MTUS2: variants seen among roughly 807,000 people sequenced by gnomAD.
The protein encoded by MTUS2 is microtubule-associated tumor suppressor candidate 2.
MTUS2 carries 40 observed loss-of-function variants against 114.1 expected under a neutral mutation model. The ratio of observed to expected loss-of-function variants is 0.35; its 90% CI spans 0.27 to 0.46. The LOEUF (loss-of-function observed/expected upper bound fraction) is 0.46. Among genes scored for constraint, MTUS2 ranks in the 20% least tolerant of loss-of-function variants. The pLI, the probability that MTUS2 is intolerant of heterozygous loss-of-function variation, is 1.00. For synonymous variants in MTUS2, 688 were observed against 672.0 expected (o/e 1.02, Z -0.37); for missense variants, 1,679 against 1,705.4 (o/e 0.98, Z 0.27).
chr13:29,480,421 G>A lies in MTUS2; in HGVS notation c.3399+57G>A, dbSNP rs1049834195. On this transcript the variant is annotated intron_variant, in intron 10 of 15. Coordinates refer to ENST00000612955, the MANE Select transcript of MTUS2 (RefSeq NM_001033602.4). The surrounding 1 kb of genome is among the most constrained non-coding windows in gnomAD (Gnocchi z 4.4). ...TTGGGTGATGCAGGTGGCGGGCGGC[G>A]GGGATCCAGTGCCACATTAGCAAGA... is the stretch of plus-strand genomic sequence containing the variant. 11 of 1,456,174 alleles carry A rather than the reference G, an allele frequency of 7.6e-6. No homozygotes were observed. The highest frequency in any genetic ancestry group is 2.5e-5 in the East Asian group (1 of 40,066). 90.2% of individuals were successfully genotyped at this position (1,456,174 alleles called of 1,614,324 possible). A position where few individuals can be genotyped will look rare whatever the true frequency, so the allele number is the denominator to read the frequency against.
chr13:28,849,887 T>C lies in MTUS2; in HGVS notation c.-243+10037T>C, dbSNP rs978507812. Among the ~76,000 whole-genome samples, 13 of 152,238 alleles carry C rather than the reference T, an allele frequency of 8.5e-5. 3 individuals carry two copies. Among genetic ancestry groups the C allele is most frequent in the Admixed American group, 8.5e-4 (13 of 15,288 alleles). On this transcript the variant is annotated intron_variant, in intron 2 of 15. Transcript: ENST00000612955. ...CTGTATGAAACCCTTCCCAAGTTTT[T>C]CCTGCATAAAAAGTCTTTAACAATC...
At position 29,501,037 on chromosome 13, in the gene MTUS2, C is replaced by CGGTG. The variant is rs1566241526; in HGVS notation, c.3799-60_3799-59insGGTG. On this transcript the variant is annotated intron_variant, in intron 14 of 15. Transcript: ENST00000612955. ...CCTCCAATGCCCAGAGCTGAGGGCA[C>CGGTG]CGGTTTACTCCCGATTTTATGGCCT... 64 of 1,386,402 alleles carry CGGTG rather than the reference C, an allele frequency of 4.6e-5. No homozygotes were observed. The South Asian group carries it at 6.6e-4, about 14-fold the overall frequency. 85.9% of individuals were successfully genotyped at this position (1,386,402 alleles called of 1,614,324 possible). A position where few individuals can be genotyped will look rare whatever the true frequency, so the allele number is the denominator to read the frequency against.
At chr13:29,007,035 C>T (rs539669204) in intron 2 of MTUS2, among the ~76,000 whole-genome samples, 1 of 152,274 alleles carries the variant, frequency 6.6e-6, no homozygotes, top group East Asian at 1.9e-4. Context: ...TCAGCAAGAA[C>T]GTCCAATCTG....
chr13:29,065,902 A>G (rs572152468), intron 4 of MTUS2, among the ~76,000 whole-genome samples: 99 of 151,802 alleles, frequency 6.5e-4, no homozygotes, highest in Non-Finnish European at 1.2e-3. Flanking sequence ...AATATAATCA[A>G]CAAATTCAAA....
intron 4 of MTUS2, among the ~76,000 whole-genome samples, chr13:29,049,772 C>T (rs915017260): frequency 3.9e-5 from 6 of 152,268 alleles, no homozygotes; most frequent in Middle Eastern, 3.4e-3. Flanking sequence ...CCTTGTGCTC[C>T]CTACCACAGA....
rs1870051297 is a variant in MTUS2, at chr13:29,359,458, G to A, written c.3102G>A (p.Gln1034=). The A allele has an allele frequency of 2.5e-6, 4 of 1,610,518 alleles. No homozygotes were observed. The highest frequency in any genetic ancestry group is 1.1e-5 in the South Asian group (1 of 90,336). The part of the protein sequence containing the change: ...CGFDALAVAT[Q]HFFRKNESAL... ...TTGATGCCCTCGCCGTGGCCACGCA[G>A]CATTTCTTTAGAAAGGTGAGGCCCC... The change falls in exon 8 of 16, where the codon CAG becomes CAA. Residue 1034 remains glutamine, a synonymous_variant. Coordinates refer to ENST00000612955, the MANE Select transcript of MTUS2 (RefSeq NM_001033602.4).
intron 5 of MTUS2, among the ~76,000 whole-genome samples, chr13:29,275,449 G>A (rs1898028670): frequency 6.6e-6 from 1 of 152,088 alleles, no homozygotes; most frequent in Non-Finnish European, 1.5e-5. Context: ...TGTTATCCTA[G>A]TAAATACTAG....
At position 29,480,306 on chromosome 13, in the gene MTUS2, G is replaced by A. The variant is rs371828380; in HGVS notation, c.3341G>A (p.Arg1114His). The A allele has an allele frequency of 4.3e-5, 67 of 1,556,112 alleles. No individual in the cohort carries two copies. The highest frequency in any genetic ancestry group is 2.1e-4 in the Middle Eastern group (1 of 4,814). The change falls in exon 10 of 16, where the codon CGC becomes CAC. Residue 1114 changes from arginine to histidine, a missense_variant. By Grantham distance (29) the Arg-to-His change is conservative. Coordinates refer to ENST00000612955, the MANE Select transcript of MTUS2 (RefSeq NM_001033602.4). This position sits in a 1 kb window ranked among gnomAD's most constrained non-coding sequence, Gnocchi z 4.4. ...LQLQFEAEMA[R>H]LQEEHGDQLL... ...CTGCAATTCGAGGCGGAAATGGCGCGCCTGCAGGAGGAGCACGGTGACCAG... is the reference window on the plus strand; with the variant it reads ...CTGCAATTCGAGGCGGAAATGGCGCACCTGCAGGAGGAGCACGGTGACCAG...
chr13:28,965,313 T>C (rs1883528721), intron 2 of MTUS2, among the ~76,000 whole-genome samples: 1 of 152,162 alleles, frequency 6.6e-6, no homozygotes, highest in South Asian at 2.1e-4. Flanking sequence ...TTAAGTTCCA[T>C]CGTTTGTAAT....
intron 5 of MTUS2, among the ~76,000 whole-genome samples, chr13:29,204,722 C>T (rs530794971): frequency 8.7e-4 from 133 of 152,308 alleles, no homozygotes; most frequent in Non-Finnish European, 7.9e-4. Flanking sequence ...GTGTAGTAGT[C>T]GGAACGTTCC....
chr13:29,166,242 T>G (rs1893310310), intron 5 of MTUS2, among the ~76,000 whole-genome samples: 1 of 152,220 alleles, frequency 6.6e-6, no homozygotes, highest in South Asian at 2.1e-4. Flanking sequence ...GAAACACAAG[T>G]TACGGGATCT....
At chr13:28,915,095 G>T (rs1366587418) in intron 2 of MTUS2, among the ~76,000 whole-genome samples, 1 of 151,734 alleles carries the variant, frequency 6.6e-6, no homozygotes, top group Non-Finnish European at 1.5e-5. Flanking sequence ...TTGCATTTAA[G>T]GTTAATATTG....
At position 29,498,499 on chromosome 13, in the gene MTUS2, C is replaced by T. The variant is rs994398711; in HGVS notation, c.3760C>T (p.His1254Tyr). 7 of 1,614,042 alleles carry T rather than the reference C, an allele frequency of 4.3e-6. No individual in the cohort carries two copies. The highest frequency in any genetic ancestry group is 1.3e-5 in the African/African-American group (1 of 74,920). Reference sequence around the variant, plus strand: ...ATTAGAAATGAAGAATCAGCAAATACACGAGCAAGAAAAGAAGATTCTTGA... The same window carrying T: ...ATTAGAAATGAAGAATCAGCAAATATACGAGCAAGAAAAGAAGATTCTTGA... ...QVLEMKNQQI[H>Y]EQEKKILELE... Residue 1254 changes from histidine to tyrosine, a missense_variant, in exon 14 of 16, where the codon CAC (histidine) becomes TAC (tyrosine). Physicochemically the swap from His to Tyr is moderately conservative, Grantham distance 83 (BLOSUM62 2). This residue lies in a region of MTUS2 where 822 missense variants were observed against 899.7 expected (regional missense o/e 0.91). Transcript: ENST00000612955.
At chr13:29,334,838 C>T (rs1438368513) in intron 7 of MTUS2, among the ~76,000 whole-genome samples, 1 of 152,184 alleles carries the variant, frequency 6.6e-6, no homozygotes, top group African/African-American at 2.4e-5. Context: ...GGATATTTAT[C>T]ACTTCCCCAA....
chr13:29,492,938 A>G (rs1487931252), intron 12 of MTUS2, among the ~76,000 whole-genome samples: 1 of 152,236 alleles, frequency 6.6e-6, no homozygotes, highest in African/African-American at 2.4e-5. Context: ...ACATACTTGC[A>G]CCAAATGAAT....
intron 7 of MTUS2, among the ~76,000 whole-genome samples, chr13:29,337,517 A>G (rs957672510): frequency 5.9e-5 from 9 of 152,082 alleles, no homozygotes; most frequent in African/African-American, 2.2e-4. Flanking sequence ...CATGTACCTC[A>G]GTTGGAAATA....
intron 5 of MTUS2, among the ~76,000 whole-genome samples, chr13:29,229,541 C>A (rs1593194779): frequency 6.6e-6 from 1 of 152,178 alleles, no homozygotes; most frequent in East Asian, 1.9e-4. Context: ...AGTATGAATC[C>A]TGTAGTTAAA....
intron 7 of MTUS2, among the ~76,000 whole-genome samples, chr13:29,349,219 G>T (rs1374020256): frequency 6.6e-6 from 1 of 150,698 alleles, no homozygotes; most frequent in African/African-American, 2.4e-5. Context: ...GTTGTTTTAG[G>T]GTTCATAATA....
At chr13:29,015,846 C>CA (rs566663390) in intron 2 of MTUS2, among the ~76,000 whole-genome samples, 2 of 151,272 alleles carry the variant, frequency 1.3e-5, no homozygotes, top group South Asian at 2.1e-4. Flanking sequence ...TGTATAAAAA[C>CA]AAAAAAACAA....
Sources: gnomAD v4.1 joint callset for allele counts (sites outside exome capture counted in the v4.1 genomes callset) on GRCh38, gnomAD v4.1.1 for gene constraint, gnomAD v4.1.1 regional missense constraint, Gnocchi (gnomAD v3.1) non-coding constraint, MANE v1.5 for transcripts, NCBI Gene and HGNC (gene_info 2026-07-23, HGNC 2026-07-21) for gene names.